FBLN2: variants seen among roughly 807,000 people sequenced by gnomAD.
FBLN2 encodes fibulin 2.
In FBLN2, 81 loss-of-function variants were observed where a neutral mutation model predicts 123.7. The observed-to-expected ratio is 0.65, with a 90% CI of 0.55 to 0.79. The LOEUF (loss-of-function observed/expected upper bound fraction) is 0.79, where lower values mean the gene tolerates loss of function less well. FBLN2 is among the 30% of genes least tolerant of loss of function. The probability of loss-of-function intolerance (pLI) is 0.00; values close to 1 mark genes in which losing one functional copy is unlikely to be tolerated. For missense variants in FBLN2, 1,603 were observed against 1,681.3 expected (o/e 0.95, Z 0.81); for synonymous variants, 699 against 701.4 (o/e 1.00, Z 0.05).
intron 1 of FBLN2, among the ~76,000 whole-genome samples, chr3:13,559,455 A>G (rs533785400): frequency 1.3e-5 from 2 of 152,286 alleles, no homozygotes; most frequent in African/African-American, 4.8e-5. Context: ...TCTTAGTCTA[A>G]TACAGTAGGA....
At chr3:13,585,012 T>G (rs946640645) in intron 2 of FBLN2, among the ~76,000 whole-genome samples, 1 of 152,228 alleles carries the variant, frequency 6.6e-6, no homozygotes, top group Non-Finnish European at 1.5e-5. Flanking sequence ...CACCTGGCAG[T>G]TGGGGCTGGG....
chr3:13,628,462 A>G (rs1706127047), intron 11 of FBLN2, among the ~76,000 whole-genome samples: 1 of 152,150 alleles, frequency 6.6e-6, no homozygotes, highest in Non-Finnish European at 1.5e-5. Context: ...GAGACTTAAC[A>G]GTTTTACAGA....
At chr3:13,570,234 C>CT (rs1703885787) in intron 1 of FBLN2, 81 bp from the exon 2 acceptor site, 1 of 1,411,618 alleles carries the variant, frequency 7.1e-7, no homozygotes, top group African/African-American at 1.4e-5. Flanking sequence ...AGGCTGGGCC[C>CT]CTGCCCGCGT....
rs540727904 is a variant in FBLN2, at chr3:13,555,629, T to C, written c.-42+6421T>C. On this transcript the variant is annotated intron_variant, in intron 1 of 17. Coordinates refer to ENST00000404922, the MANE Select transcript of FBLN2 (RefSeq NM_001004019.2). The stretch of plus-strand genomic sequence containing the variant: ...GCCACCATGCCTGGCTAATTTTTTG[T>C]ATTTTTAGTAGAGACGGAGTTTCAC... Among the ~76,000 whole-genome samples, 826 of 152,230 alleles carry C rather than the reference T, an allele frequency of 5.4e-3. 12 individuals carry two copies. Among genetic ancestry groups the C allele is most frequent in the African/African-American group, 0.019 (778 of 41,534 alleles).
intron 2 of FBLN2, among the ~76,000 whole-genome samples, chr3:13,591,176 A>C (rs560778815): frequency 6.6e-6 from 1 of 152,292 alleles, no homozygotes; most frequent in East Asian, 1.9e-4. Context: ...CTACATTTTC[A>C]TATTACTCTT....
rs987205608 is a variant in FBLN2, at chr3:13,603,733, A to G, written c.1307-4329A>G. On this transcript the variant is annotated intron_variant, in intron 2 of 17. Transcript: ENST00000404922. ...TGTCTTTATAGCAGCATGATTTATA[A>G]TCCTTTGGGTATATACCCAGTAATG... is the stretch of plus-strand genomic sequence containing the variant. 5.6e-3 allele frequency among the ~76,000 whole-genome samples: 858 copies of G among 152,250 alleles called. 5 individuals carry two copies. Among genetic ancestry groups the G allele is most frequent in the Non-Finnish European group, 9.7e-3 (659 of 68,016 alleles).
intron 2 of FBLN2, among the ~76,000 whole-genome samples, chr3:13,593,813 G>A (rs1704755695): frequency 6.6e-6 from 1 of 151,802 alleles, no homozygotes; most frequent in South Asian, 2.1e-4. Flanking sequence ...CAGCACGGGC[G>A]GCTGAATTAA....
chr3:13,612,370 CTCTCTG>C (rs1705433181), intron 4 of FBLN2, among the ~76,000 whole-genome samples: 1 of 93,170 alleles, frequency 1.1e-5, no homozygotes, highest in African/African-American at 6.7e-5. Context: ...GTCTGTCTGT[CTCTCTG>C]TCTGTCTGTC....
At position 13,629,234 on chromosome 3, in the gene FBLN2, C is replaced by T. The variant is rs1005721981; in HGVS notation, c.2784C>T (p.Ser928=). The T allele has an allele frequency of 6.2e-7, 1 of 1,613,324 alleles. No individual in the cohort carries two copies. Among genetic ancestry groups the T allele is most frequent in the East Asian group, 2.2e-5 (1 of 44,874 alleles). The change falls in exon 13 of 18, where the codon TCC becomes TCT. Residue 928 remains serine (S), a synonymous_variant. Transcript: ENST00000404922. The stretch of plus-strand genomic sequence containing the variant: ...AAGTGTGCCACAACCTCCCTGGCTC[C>T]TACCGCTGTGACTGCAAAGCCGGCT... ...EGQVCHNLPG[S]YRCDCKAGFQ...
rs571017101 is a variant in FBLN2, at chr3:13,615,364, G to A, written c.1729+1200G>A. Among the ~76,000 whole-genome samples the A allele has an allele frequency of 4.1e-4, 62 of 152,306 alleles. No individual in the cohort carries two copies. The South Asian group carries it at 7.9e-3, about 19-fold the overall frequency. ...CCAGAACCACCAGCCCAGTTTTTTC[G>A]CTGTTCCTATGGACCGTCATCTGGG... On this transcript the variant is annotated intron_variant, in intron 5 of 17. Transcript: ENST00000404922.
rs563270386 is a variant in FBLN2, at chr3:13,619,132, A to G, written c.2053+115A>G. On this transcript the variant is annotated intron_variant, in intron 7 of 17. Coordinates refer to ENST00000404922, the MANE Select transcript of FBLN2 (RefSeq NM_001004019.2). ...GGGTATGTGCAAGATGGCCCCTCCA[A>G]AGGGTGTGCTTCTGTTTTGGGGATG... 35 of 720,230 alleles carry G rather than the reference A, an allele frequency of 4.9e-5. No homozygotes were observed. The South Asian group carries it at 6.2e-4, about 13-fold the overall frequency. The allele number at this position is 720,230 out of a possible 1,614,324, so 44.6% of individuals were successfully genotyped here. A position where few individuals can be genotyped will look rare whatever the true frequency, so the allele number is the denominator to read the frequency against.
chr3:13,616,384 T>C (rs1056694685), intron 5 of FBLN2, among the ~76,000 whole-genome samples: 2 of 152,160 alleles, frequency 1.3e-5, no homozygotes, highest in South Asian at 2.1e-4. Context: ...GTGAGGAAGA[T>C]GCTGGTGAGG....
chr3:13,575,549 T>G (rs1028157), intron 2 of FBLN2, among the ~76,000 whole-genome samples: 8,718 of 152,036 alleles, frequency 0.057, 302 homozygotes, highest in South Asian at 0.14. Flanking sequence ...CAGCCAGCAG[T>G]CCTCATCAAA....
intron 2 of FBLN2, among the ~76,000 whole-genome samples, chr3:13,584,981 C>T (rs1005883590): frequency 1.5e-4 from 23 of 152,296 alleles, no homozygotes; most frequent in African/African-American, 5.1e-4. Flanking sequence ...GTGCTTCTGT[C>T]CCTTCCCCAC....
At chr3:13,580,909 G>A (rs893441451) in intron 2 of FBLN2, among the ~76,000 whole-genome samples, 4 of 152,232 alleles carry the variant, frequency 2.6e-5, no homozygotes, top group Non-Finnish European at 5.9e-5. Flanking sequence ...GACACCTGCT[G>A]GGCCTGAACG....
rs768368404 is a variant in FBLN2, at chr3:13,630,700, C to T, written c.2970C>T (p.Asp990=). The change falls in exon 15 of 18, where the codon GAC becomes GAT. Residue 990 remains aspartate (D), a splice_region_variant and synonymous_variant. Transcript: ENST00000404922. Reference sequence around the variant, plus strand: ...GACTGCCTGCTGGTGTCCCTGCAGACGTGAATGAGTGTGAGGCCCAGCGCT... The same window carrying T: ...GACTGCCTGCTGGTGTCCCTGCAGATGTGAATGAGTGTGAGGCCCAGCGCT... ...LLAADGKRCE[D]VNECEAQRCS... The T allele has an allele frequency of 1.9e-5, 30 of 1,600,180 alleles. No homozygotes were observed. The highest frequency in any genetic ancestry group is 3.3e-4 in the Middle Eastern group (2 of 6,050).
At chr3:13,627,431 C>T (rs1179744585) in intron 10 of FBLN2, among the ~76,000 whole-genome samples, 4 of 152,170 alleles carry the variant, frequency 2.6e-5, no homozygotes, top group African/African-American at 9.7e-5. Flanking sequence ...TGTGGGACAG[C>T]GGCTAACAAA....
At chr3:13,636,340 A>T in intron 16 of FBLN2, 105 bp from the exon 17 acceptor site, 2 of 1,421,904 alleles carry the variant, frequency 1.4e-6, no homozygotes, top group Non-Finnish European at 1.9e-6. Flanking sequence ...GGCTATTCTC[A>T]CAGGTCCGGC....
chr3:13,628,915 G>A lies in FBLN2; in HGVS notation c.2580G>A (p.Glu860=), dbSNP rs750932415. ...DPEGNCVDIN[E]CTSLSEPCRP... ...CACCTGCCTCTGCAGACATCAACGA[G>A]TGCACGTCACTGTCCGAGCCATGTC... The change falls in exon 12 of 18, where the codon GAG becomes GAA. Residue 860 remains glutamate (E), a synonymous_variant. Coordinates refer to ENST00000404922, the MANE Select transcript of FBLN2 (RefSeq NM_001004019.2). The A allele has an allele frequency of 1.9e-6, 3 of 1,612,902 alleles. No homozygotes were observed. The highest frequency in any genetic ancestry group is 3.3e-5 in the Admixed American group (2 of 59,884).
Sources: allele counts gnomAD v4.1 joint callset (sites outside exome capture counted in the v4.1 genomes callset), GRCh38; gene constraint gnomAD v4.1.1; transcripts MANE v1.5; gene names NCBI Gene and HGNC (gene_info 2026-07-23, HGNC 2026-07-21).